The following SAMMSON variants were observed in gnomAD, a reference collection of about 807,000 sequenced individuals.
The protein encoded by SAMMSON is long intergenic non-protein coding RNA 1212.
chr3:70,306,464 A>G (rs1313728660), intron 7 of SAMMSON, among the ~76,000 whole-genome samples: 2 of 152,180 alleles, frequency 1.3e-5, no homozygotes, highest in Non-Finnish European at 2.9e-5. Context: ...CTGCTTACAG[A>G]AAAGAAGCTA....
chr3:70,129,013 C>CTT (rs2067469875), intron 4 of SAMMSON, among the ~76,000 whole-genome samples: 1 of 152,078 alleles, frequency 6.6e-6, no homozygotes, highest in Non-Finnish European at 1.5e-5. Context: ...GCATCAAATG[C>CTT]ATATAAATCT....
intron 4 of SAMMSON, among the ~76,000 whole-genome samples, chr3:70,153,251 T>A (rs1290886552): frequency 6.6e-6 from 1 of 151,856 alleles, no homozygotes; most frequent in Non-Finnish European, 1.5e-5. Context: ...TCAAGAGCGG[T>A]CTCTAATATG....
At chr3:70,088,936 A>T (rs934171043) in intron 4 of SAMMSON, among the ~76,000 whole-genome samples, 9 of 152,172 alleles carry the variant, frequency 5.9e-5, no homozygotes, top group African/African-American at 1.7e-4. Context: ...GTGACTAGGC[A>T]CATTGTGTAT....
At chr3:70,011,100 C>A (rs1480123360) in intron 1 of SAMMSON, among the ~76,000 whole-genome samples, 1 of 152,070 alleles carries the variant, frequency 6.6e-6, no homozygotes, top group Admixed American at 6.6e-5. Flanking sequence ...CTCAAGGGTT[C>A]TTCACCTTTT....
At chr3:70,181,941 A>G (rs1701056094) in intron 4 of SAMMSON, among the ~76,000 whole-genome samples, 1 of 152,112 alleles carries the variant, frequency 6.6e-6, no homozygotes, top group Admixed American at 6.6e-5. Flanking sequence ...GAAGCTCAGG[A>G]AAGAGATTTC....
At chr3:70,269,149 A>G (rs527846012) in intron 6 of SAMMSON, among the ~76,000 whole-genome samples, 3 of 152,348 alleles carry the variant, frequency 2.0e-5, no homozygotes, top group South Asian at 4.1e-4. Context: ...TCAGATAAAT[A>G]GGTATTTTTA....
intron 2 of SAMMSON, among the ~76,000 whole-genome samples, chr3:70,402,484 TA>T (rs1701148085): frequency 1.3e-5 from 2 of 152,356 alleles, no homozygotes; most frequent in East Asian, 1.9e-4. Flanking sequence ...TAAGTTGGTG[TA>T]TTTTTTTAAA....
At chr3:70,059,714 A>T (rs557752173) in intron 3 of SAMMSON, among the ~76,000 whole-genome samples, 14 of 152,150 alleles carry the variant, frequency 9.2e-5, no homozygotes, top group Middle Eastern at 3.4e-3. Flanking sequence ...ACCAGAAATA[A>T]TATTTTACCA....
At position 70,267,904 on chromosome 3, in the gene SAMMSON, G is replaced by A. The variant is rs552883362; in HGVS notation, n.674+18234G>A. Reference sequence around the variant, plus strand: ...AAGTAGACTTGAAAATTTGAGCCAAGGTCCCAGTTTCCTTTCCTTTTCTTC... The same window carrying A: ...AAGTAGACTTGAAAATTTGAGCCAAAGTCCCAGTTTCCTTTCCTTTTCTTC... On this transcript the variant is annotated intron_variant and non_coding_transcript_variant, in intron 6 of 9. Transcript: ENST00000642114. Among the ~76,000 whole-genome samples, 4 of 151,964 alleles carry A rather than the reference G, an allele frequency of 2.6e-5. No individual in the cohort carries two copies. The East Asian group carries it at 5.8e-4, about 22-fold the overall frequency.
At chr3:70,097,670 A>T (rs1240063444) in intron 4 of SAMMSON, among the ~76,000 whole-genome samples, 1 of 152,180 alleles carries the variant, frequency 6.6e-6, no homozygotes. Flanking sequence ...TTAACCTCTT[A>T]GGGATTATAT....
intron 4 of SAMMSON, among the ~76,000 whole-genome samples, chr3:70,248,063 T>C (rs1701725324): frequency 6.6e-6 from 1 of 152,128 alleles, no homozygotes; most frequent in South Asian, 2.1e-4. Flanking sequence ...GTAAAGGAGA[T>C]AGGCTAACAT....
chr3:70,103,194 A>C (rs2067352676), intron 4 of SAMMSON, among the ~76,000 whole-genome samples: 1 of 152,186 alleles, frequency 6.6e-6, no homozygotes, highest in South Asian at 2.1e-4. Flanking sequence ...GTTTTTCAAC[A>C]AAACCCCCAA....
intron 7 of SAMMSON, among the ~76,000 whole-genome samples, chr3:70,340,404 AG>A (rs1466616921): frequency 6.6e-6 from 1 of 152,024 alleles, no homozygotes; most frequent in African/African-American, 2.4e-5. Context: ...ATATAAAAAA[AG>A]CAGGGTATCC....
chr3:70,395,331 CTT>C lies in SAMMSON; in HGVS notation n.233+37024_233+37025del, dbSNP rs71126501. 6.6e-3 allele frequency among the ~76,000 whole-genome samples: 747 copies of C among 113,586 alleles called. 5 individuals carry two copies. The highest frequency in any genetic ancestry group is 0.028 in the South Asian group (87 of 3,060). The allele number at this position is 113,586 out of a possible 152,430, so 74.5% of individuals were successfully genotyped here. On this transcript the variant is annotated intron_variant and non_coding_transcript_variant, in intron 2 of 3. Transcript: ENST00000641053. ...CTCTCCTCTCCTTCTCTCTCTCTCT[CTT>C]TTTTTTTTTTTTTTTTGTGTTGTTG...
intron 3 of SAMMSON, among the ~76,000 whole-genome samples, chr3:70,039,593 T>TCACACA (rs56058406): frequency 1.2e-3 from 166 of 135,700 alleles, no homozygotes; most frequent in Middle Eastern, 3.6e-3. Context: ...ACACATCTCT[T>TCACACA]CACACACACA....
At chr3:70,189,481 C>A (rs1264158500) in intron 4 of SAMMSON, among the ~76,000 whole-genome samples, 1 of 152,160 alleles carries the variant, frequency 6.6e-6, no homozygotes, top group Non-Finnish European at 1.5e-5. Flanking sequence ...CTCCATGAAG[C>A]AGAACTTGCC....
At chr3:70,046,317 G>A (rs1368833007) in intron 3 of SAMMSON, among the ~76,000 whole-genome samples, 4 of 151,994 alleles carry the variant, frequency 2.6e-5, no homozygotes, top group East Asian at 1.9e-4. Flanking sequence ...AGATCTTCCC[G>A]GTGAGCACTT....
At chr3:70,035,556 A>G (rs1337008587) in intron 3 of SAMMSON, among the ~76,000 whole-genome samples, 1 of 152,160 alleles carries the variant, frequency 6.6e-6, no homozygotes, top group Non-Finnish European at 1.5e-5. Context: ...AGCAAATGTT[A>G]TGCAACTCCG....
At chr3:70,224,745 C>A (rs1169292502) in intron 4 of SAMMSON, among the ~76,000 whole-genome samples, 1 of 151,862 alleles carries the variant, frequency 6.6e-6, no homozygotes, top group African/African-American at 2.4e-5. Flanking sequence ...TTAACCATTG[C>A]GCTCGGCAAA....
Sources: gnomAD v4.1 joint callset for allele counts (sites outside exome capture counted in the v4.1 genomes callset) on GRCh38, gnomAD v4.1.1 for gene constraint, MANE v1.5 for transcripts, NCBI Gene and HGNC (gene_info 2026-07-23, HGNC 2026-07-21) for gene names.